MSRA: variants seen among roughly 807,000 people sequenced by gnomAD.
The protein encoded by MSRA is mitochondrial peptide methionine sulfoxide reductase.
A neutral mutation model predicts 31.3 loss-of-function variants in MSRA; 54 were observed. That is an observed-to-expected ratio of 1.73 (90% CI 1.39 to 2.17). The LOEUF is 2.17. Ranked by LOEUF, MSRA falls within the 30% of genes most tolerant of loss-of-function variation. MSRA has a pLI of 0.00. For synonymous variants in MSRA, 169 were observed against 116.5 expected, an observed-to-expected ratio of 1.45 and a Z score of -2.90; for missense variants, 507 against 300.9, an observed-to-expected ratio of 1.69 and a Z score of -5.07.
chr8:10,243,103 T>C (rs1291754503), intron 2 of MSRA, among the ~76,000 whole-genome samples: 1 of 152,196 alleles, frequency 6.6e-6, no homozygotes, highest in Non-Finnish European at 1.5e-5. Flanking sequence ...AGTGGGACCA[T>C]GGGCAAAGGT....
At chr8:10,394,840 C>T (rs1334588667) in intron 5 of MSRA, among the ~76,000 whole-genome samples, 2 of 152,220 alleles carry the variant, frequency 1.3e-5, no homozygotes, top group Admixed American at 6.5e-5. Flanking sequence ...TACTTGTCTG[C>T]CTTGGATTCA....
chr8:10,072,124 A>C (rs1250636731), intron 1 of MSRA, among the ~76,000 whole-genome samples: 2 of 152,082 alleles, frequency 1.3e-5, no homozygotes, highest in Non-Finnish European at 2.9e-5. Context: ...CCTTAAGCAG[A>C]ACAAAGGCGC....
At chr8:10,240,834 C>A (rs970519762) in intron 2 of MSRA, among the ~76,000 whole-genome samples, 2 of 152,100 alleles carry the variant, frequency 1.3e-5, no homozygotes, top group Admixed American at 6.5e-5. Context: ...CACCCCACCC[C>A]CCGCACCCCC....
intron 4 of MSRA, among the ~76,000 whole-genome samples, chr8:10,319,265 C>A (rs970424195): frequency 1.3e-5 from 2 of 152,252 alleles, no homozygotes; most frequent in East Asian, 3.9e-4. Context: ...TCTGTGGCAA[C>A]CCTGCGGCTG....
intron 3 of MSRA, among the ~76,000 whole-genome samples, chr8:10,297,977 C>T (rs1282256772): frequency 1.3e-5 from 2 of 152,192 alleles, no homozygotes; most frequent in African/African-American, 4.8e-5. Flanking sequence ...TTCATGGCTT[C>T]AGGTTTCTCC....
chr8:10,388,265 A>C (rs1806515820), intron 5 of MSRA, among the ~76,000 whole-genome samples: 1 of 152,182 alleles, frequency 6.6e-6, no homozygotes, highest in Non-Finnish European at 1.5e-5. Flanking sequence ...AGCAAGTGTA[A>C]GGTTCGTGTT....
chr8:10,094,548 A>G (rs1443549987), intron 1 of MSRA, among the ~76,000 whole-genome samples: 1 of 152,260 alleles, frequency 6.6e-6, no homozygotes, highest in East Asian at 1.9e-4. Flanking sequence ...AGGAGATTAG[A>G]TAGATTAGCA....
chr8:10,302,033 C>T (rs1563327494), intron 4 of MSRA, among the ~76,000 whole-genome samples: 2 of 152,192 alleles, frequency 1.3e-5, no homozygotes, highest in Non-Finnish European at 2.9e-5. Flanking sequence ...TTTAGCCTTT[C>T]TCGTCTTTTG....
intron 4 of MSRA, among the ~76,000 whole-genome samples, chr8:10,304,541 A>G (rs1337821950): frequency 6.6e-6 from 1 of 152,208 alleles, no homozygotes; most frequent in Non-Finnish European, 1.5e-5. Flanking sequence ...AAGGTCCAAA[A>G]ACAGTGACAC....
chr8:10,300,073 A>G (rs564216805), intron 3 of MSRA, among the ~76,000 whole-genome samples: 8 of 152,082 alleles, frequency 5.3e-5, no homozygotes, highest in Non-Finnish European at 1.0e-4. Flanking sequence ...AGTATTCCCA[A>G]TATAGTGGTA....
At chr8:10,303,371 G>A (rs1005901816) in intron 4 of MSRA, among the ~76,000 whole-genome samples, 4 of 152,072 alleles carry the variant, frequency 2.6e-5, no homozygotes, top group Non-Finnish European at 5.9e-5. Context: ...CCTGAACCTC[G>A]GGGGGAATAC....
chr8:10,356,331 G>T (rs1026105781), intron 5 of MSRA, among the ~76,000 whole-genome samples: 13 of 152,206 alleles, frequency 8.5e-5, no homozygotes, highest in African/African-American at 2.9e-4. Flanking sequence ...TTAAGCAAAT[G>T]TGTGGCTTTG....
intron 1 of MSRA, among the ~76,000 whole-genome samples, chr8:10,191,949 G>T (rs984290113): frequency 5.3e-5 from 8 of 152,218 alleles, no homozygotes; most frequent in African/African-American, 1.9e-4. Context: ...GGCTTAGCTG[G>T]GTGCCCCTGG....
intron 5 of MSRA, among the ~76,000 whole-genome samples, chr8:10,394,042 G>A (rs1386606871): frequency 6.6e-6 from 1 of 152,212 alleles, no homozygotes; most frequent in South Asian, 2.1e-4. Flanking sequence ...AACATGACCA[G>A]TGTTAACTTT....
chr8:10,264,128 C>A (rs1798621220), intron 3 of MSRA, among the ~76,000 whole-genome samples: 1 of 152,196 alleles, frequency 6.6e-6, no homozygotes, highest in Non-Finnish European at 1.5e-5. Flanking sequence ...TACTCCAAAG[C>A]TTTGACTAGA....
intron 5 of MSRA, among the ~76,000 whole-genome samples, chr8:10,343,673 G>A (rs916783838): frequency 5.3e-5 from 8 of 151,992 alleles, no homozygotes; most frequent in African/African-American, 1.7e-4. Context: ...GGGTGCTGGG[G>A]GGTCCCTGGT....
chr8:10,154,663 C>G (rs1803998847), intron 1 of MSRA, among the ~76,000 whole-genome samples: 1 of 152,128 alleles, frequency 6.6e-6, no homozygotes, highest in East Asian at 1.9e-4. Context: ...AGGCATGAGC[C>G]ACCGCGTCCA....
chr8:10,294,254 A>G (rs1800408521), intron 3 of MSRA, among the ~76,000 whole-genome samples: 1 of 152,232 alleles, frequency 6.6e-6, no homozygotes, highest in Non-Finnish European at 1.5e-5. Context: ...GGAAACTTTT[A>G]GACATAGATT....
chr8:10,320,047 C>A, intron 5 of MSRA, 58 bp downstream of exon 5: 1 of 1,159,528 alleles, frequency 8.6e-7, no homozygotes. Context: ...GGGCCAGGTT[C>A]TGATTTTAGA....
Sources: gnomAD v4.1 joint callset for allele counts (sites outside exome capture counted in the v4.1 genomes callset) on GRCh38, gnomAD v4.1.1 for gene constraint, MANE v1.5 for transcripts, NCBI Gene and HGNC (gene_info 2026-07-23, HGNC 2026-07-21) for gene names.